Variants in GTPBP4 observed in about 807,000 individuals in gnomAD.
GTPBP4 encodes the protein GTP-binding protein 4.
In GTPBP4, 15 loss-of-function variants were observed where a neutral mutation model predicts 81.7. The observed-to-expected ratio is 0.18, with a 90% CI of 0.12 to 0.28. GTPBP4 has a LOEUF of 0.28. GTPBP4 is among the 10% of genes least tolerant of loss of function. The probability of loss-of-function intolerance (pLI) is 1.00; values close to 1 mark genes in which losing one functional copy is unlikely to be tolerated. For missense variants in GTPBP4, 847 were observed against 793.8 expected (o/e 1.07, Z -0.81); for synonymous variants, 272 against 274.6 (o/e 0.99, Z 0.09).
rs775610791 is a variant in GTPBP4 at position 1,010,512 on chromosome 10, A to G, written c.1336A>G (p.Ile446Val). 29 of 1,497,492 alleles carry G rather than the reference A, an allele frequency of 1.9e-5. No individual in the cohort carries two copies. Among genetic ancestry groups the G allele is most frequent in the Non-Finnish European group, 2.3e-5 (25 of 1,073,674 alleles). 92.8% of individuals were successfully genotyped at this position (1,497,492 alleles called of 1,614,324 possible). A position where few individuals can be genotyped will look rare whatever the true frequency, so the allele number is the denominator to read the frequency against. Residue 446 changes from isoleucine to valine, a missense_variant, in exon 13 of 17, where the codon ATC becomes GTC. Coordinates refer to ENST00000360803, the MANE Select transcript of GTPBP4 (RefSeq NM_012341.3). ...TATAGCTGATTATATTGATCCAGCC[A>G]TCATGAAGGTTTGTGTCACTTTTTA... is the stretch of plus-strand genomic sequence containing the variant. ...HNIADYIDPA[I>V]MKKLEELEKE...
intron 13 of GTPBP4, among the ~76,000 whole-genome samples, chr10:1,010,780 GCC>G (rs1432301835): frequency 1.6e-4 from 23 of 142,958 alleles, no homozygotes; most frequent in Non-Finnish European, 3.2e-4. Flanking sequence ...GAGATGCTGG[GCC>G]CCTTCGTTAT....
intron 7 of GTPBP4, 37 bp downstream of exon 7, chr10:1,000,905 C>T (rs749379295): frequency 1.5e-5 from 24 of 1,605,294 alleles, no homozygotes; most frequent in Non-Finnish European, 1.8e-5. Flanking sequence ...TCATATCCTG[C>T]AGTACGAGAA....
chr10:1,014,139 G>A (rs1399424750), intron 14 of GTPBP4, 108 bp from the exon 15 acceptor site: 2 of 641,144 alleles, frequency 3.1e-6, no homozygotes, highest in South Asian at 1.8e-5. Flanking sequence ...TCTAAAATAA[G>A]TATATTATAA....
chr10:1,014,323 G>A lies in GTPBP4; in HGVS notation c.1608+11G>A, dbSNP rs761293378. ...GACGATAAAGACGATGTGAGTGTGG[G>A]GGCGGTTCATGTGTTTATGTGGCTG... On this transcript the variant is annotated intron_variant, in intron 15 of 16. Transcript: ENST00000360803. 1.3e-6 allele frequency: 2 copies of A among 1,595,834 alleles called. No individual in the cohort carries two copies. The highest frequency in any genetic ancestry group is 1.1e-5 in the South Asian group (1 of 90,744).
Position 994,452 on chromosome 10 carries a change from G to A in GTPBP4, c.220-1477G>A, listed in dbSNP as rs187681420. Among the ~76,000 whole-genome samples the A allele has an allele frequency of 5.7e-3, 872 of 152,004 alleles. 6 individuals are homozygous for A. The highest frequency in any genetic ancestry group is 0.011 in the South Asian group (53 of 4,806). On this transcript the variant is annotated intron_variant, in intron 2 of 16. Coordinates refer to ENST00000360803, the MANE Select transcript of GTPBP4 (RefSeq NM_012341.3). ...CCCGGCTAATTTTTGTGTTTTTTTA[G>A]TAGAGACGAGGTTTCTCCATGTTGG...
rs199707931 is a variant in GTPBP4, at chr10:997,327, G to A, written c.561+19G>A. On this transcript the variant is annotated intron_variant, in intron 5 of 16. Transcript: ENST00000360803. ...CAACAAGGTTGGTCTGGTTTTTATC[G>A]TAAAGCAAATCATCTGACTATTTTA... 1.7e-5 allele frequency: 22 copies of A among 1,299,458 alleles called. No homozygotes were observed. The highest frequency in any genetic ancestry group is 9.5e-5 in the South Asian group (8 of 84,640). 80.5% of individuals were successfully genotyped at this position (1,299,458 alleles called of 1,614,324 possible).
rs765252138 is a variant in GTPBP4, at chr10:1,009,541, G to A, written c.1204G>A (p.Glu402Lys). The change falls in exon 12 of 17, where the codon GAG (glutamate) becomes AAG (lysine). Residue 402 changes from glutamate to lysine, a missense_variant. By Grantham distance (56) the Glu-to-Lys change is moderately conservative. Around this residue, in one of 3 missense-constraint regions of GTPBP4, gnomAD observed 600 missense variants for 557.1 expected, o/e 1.08. Transcript: ENST00000360803. ...ESRKKRERDL[E>K]LEMGDDYILD... ...CTTTCTATTGCAGGAACGAGATCTTGAGCTGGAAATGGGAGATGATTATAT... is the reference window on the plus strand; with the variant it reads ...CTTTCTATTGCAGGAACGAGATCTTAAGCTGGAAATGGGAGATGATTATAT... 6.2e-7 allele frequency: 1 copy of A among 1,604,856 alleles called. No homozygotes were observed.
At chr10:994,457 G>C (rs1831503606) in intron 2 of GTPBP4, among the ~76,000 whole-genome samples, 1 of 151,896 alleles carries the variant, frequency 6.6e-6, no homozygotes, top group Non-Finnish European at 1.5e-5. Context: ...TTTTAGTAGA[G>C]ACGAGGTTTC....
At chr10:1,006,709 T>C (rs1054158951) in intron 9 of GTPBP4, among the ~76,000 whole-genome samples, 3 of 151,896 alleles carry the variant, frequency 2.0e-5, no homozygotes, top group Non-Finnish European at 4.4e-5. Context: ...CCTGATGCCA[T>C]GGTCGCACTC....
chr10:992,511 C>A lies in GTPBP4; in HGVS notation c.71C>A (p.Ser24Ter). 1 of 1,602,636 alleles carries A rather than the reference C, an allele frequency of 6.2e-7. No homozygotes were observed. The highest frequency in any genetic ancestry group is 1.1e-5 in the South Asian group (1 of 90,608). Residue 24 changes from serine (S) to a stop codon, truncating the protein, a stop_gained, in exon 2 of 17, where the codon TCG becomes TAG. Transcript: ENST00000360803. LOFTEE classifies it high-confidence loss of function. ...CAGGACTTCATAGACCTCACGTTGT[C>A]GAAGACTCAACGAAAGACTCCAACC... Reference protein sequence around the residue: ...SAKDFIDLTLSKTQRKTPTVI... With the variant: ...SAKDFIDLTL
At chr10:991,372 G>A (rs571785393) in intron 1 of GTPBP4, among the ~76,000 whole-genome samples, 32 of 152,332 alleles carry the variant, frequency 2.1e-4, no homozygotes, top group African/African-American at 6.7e-4. Context: ...AGATACATTG[G>A]ATTTAGGAAT....
intron 10 of GTPBP4, chr10:1,008,445 C>CT: frequency 6.1e-6 from 2 of 328,758 alleles, no homozygotes; most frequent in Admixed American, 4.3e-5. Context: ...TAAAAATTAG[C>CT]TTTTTTGGAT....
At chr10:998,880 G>T in intron 5 of GTPBP4, 123 bp from the exon 6 acceptor site, 1 of 664,442 alleles carries the variant, frequency 1.5e-6, no homozygotes, top group Non-Finnish European at 2.8e-6. Flanking sequence ...ATTCGATGCA[G>T]TTTTATCGTG....
Position 1,000,808 on chromosome 10 carries a change from G to T in GTPBP4, c.786G>T (p.Gly262=), listed in dbSNP as rs200778729. The T allele has an allele frequency of 2.0e-5, 33 of 1,611,362 alleles. No individual in the cohort carries two copies. Among genetic ancestry groups the T allele is most frequent in the Non-Finnish European group, 2.5e-5 (29 of 1,178,570 alleles). The change falls in exon 7 of 17, where the codon GGG becomes GGT. Residue 262 remains glycine (G), a synonymous_variant. Coordinates refer to ENST00000360803, the MANE Select transcript of GTPBP4 (RefSeq NM_012341.3). ...LYVMDLSEQC[G]HGLREQLELF... ...TGATGGATTTGTCTGAGCAGTGTGG[G>T]CATGGGCTGAGGGAGCAGCTAGAAC...
Position 1,000,852 on chromosome 10 carries a change from C to T in GTPBP4, c.830C>T (p.Pro277Leu). Residue 277 changes from proline (P) to leucine (L), a missense_variant, in exon 7 of 17, where the codon CCT (proline) becomes CTT (leucine). Pro to Leu is a moderately conservative substitution (Grantham distance 98). Around this residue, in one of 3 missense-constraint regions of GTPBP4, gnomAD observed 600 missense variants for 557.1 expected, o/e 1.08. Coordinates refer to ENST00000360803, the MANE Select transcript of GTPBP4 (RefSeq NM_012341.3). ...CTAGAACTCTTCCAGAACATCAGAC[C>T]TCTCTTCATCAACAAGGTGTGTGTG... ...EQLELFQNIR[P>L]LFINKPLIVV... The T allele has an allele frequency of 6.2e-7, 1 of 1,610,618 alleles. No individual in the cohort carries two copies. Among genetic ancestry groups the T allele is most frequent in the Non-Finnish European group, 8.5e-7 (1 of 1,177,902 alleles).
At chr10:1,012,198 T>G (rs1831890481) in intron 13 of GTPBP4, among the ~76,000 whole-genome samples, 1 of 152,082 alleles carries the variant, frequency 6.6e-6, no homozygotes, top group Non-Finnish European at 1.5e-5. Flanking sequence ...ATTTTTAGCC[T>G]TGGAATTTAA....
rs746103388 is a variant in GTPBP4 at position 1,017,247 on chromosome 10, G to A, written c.*20G>A. 10 of 1,609,954 alleles carry A rather than the reference G, an allele frequency of 6.2e-6. No individual in the cohort carries two copies. The highest frequency in any genetic ancestry group is 1.7e-4 in the Middle Eastern group (1 of 6,048). On this transcript the variant is annotated 3_prime_UTR_variant, in exon 17 of 17. Transcript: ENST00000360803. ...AGATAGTATCCGTTTGGTTGGCGTG[G>A]CTTCGCTAGAGTGTTGCTGTTTATT...
At position 1,018,894 on chromosome 10, in the gene GTPBP4, AAAC is replaced by A. The variant is rs1265981997; in HGVS notation, c.*1675_*1677del. ...CTTAACATATAGTTTACTTTGTGTT[AAAC>A]AACAACAGTATGTTTTAAAGCAAGT... On this transcript the variant is annotated 3_prime_UTR_variant, in exon 17 of 17. Transcript: ENST00000360803. The A allele has an allele frequency of 1.3e-5, 2 of 152,244 alleles. No homozygotes were observed. The highest frequency in any genetic ancestry group is 4.8e-5 in the African/African-American group (2 of 41,444). 9.4% of individuals were successfully genotyped at this position (152,244 alleles called of 1,614,324 possible).
At chr10:1,000,232 C>G (rs574692062) in intron 6 of GTPBP4, among the ~76,000 whole-genome samples, 37 of 136,102 alleles carry the variant, frequency 2.7e-4, no homozygotes, top group South Asian at 4.5e-4. Context: ...TTTGGGAGAC[C>G]TACTTTTTTT....
Sources: allele counts gnomAD v4.1 joint callset (sites outside exome capture counted in the v4.1 genomes callset), GRCh38; gene constraint gnomAD v4.1.1; regional missense constraint gnomAD v4.1.1; transcripts MANE v1.5; gene names NCBI Gene and HGNC (gene_info 2026-07-23, HGNC 2026-07-21).